Variants in TBC1D2B observed in about 807,000 individuals in gnomAD.
TBC1D2B encodes TBC1 domain family, member 2B.
A neutral mutation model predicts 100.8 loss-of-function variants in TBC1D2B; 64 were observed. The ratio of observed to expected loss-of-function variants is 0.64; its 90% CI spans 0.52 to 0.78. TBC1D2B has a LOEUF of 0.78. Among genes scored for constraint, TBC1D2B ranks in the 30% least tolerant of loss-of-function variants. The pLI is 0.00. For missense variants in TBC1D2B, 1,052 were observed against 1,218.4 expected (o/e 0.86, Z 2.03); for synonymous variants, 480 against 479.7 (o/e 1.00, Z -0.01).
chr15:78,003,777 C>T (rs935723764), intron 10 of TBC1D2B, among the ~76,000 whole-genome samples: 1 of 152,108 alleles, frequency 6.6e-6, no homozygotes, highest in East Asian at 1.9e-4. Flanking sequence ...CTCAAAATGC[C>T]CTGGGAAATA....
chr15:78,020,263 CTG>C (rs912589988), intron 6 of TBC1D2B, among the ~76,000 whole-genome samples: 1 of 152,188 alleles, frequency 6.6e-6, no homozygotes, highest in African/African-American at 2.4e-5. Flanking sequence ...TGGAGGGCAA[CTG>C]AAGAAAGCAC....
chr15:77,996,617 AGTGG>A lies in TBC1D2B; in HGVS notation c.*1539_*1542del. 1 of 152,264 alleles carries A rather than the reference AGTGG, an allele frequency of 6.6e-6. No individual in the cohort carries two copies. Among genetic ancestry groups the A allele is most frequent in the Non-Finnish European group, 1.5e-5 (1 of 68,052 alleles). 9.4% of individuals were successfully genotyped at this position (152,264 alleles called of 1,614,324 possible). On this transcript the variant is annotated 3_prime_UTR_variant, in exon 13 of 13. Transcript: ENST00000300584. ...AGCTCCGTCTACCCAGTGAAACATT[AGTGG>A]AGTTGGTTAAAGACACGAAGCCGGA... is the stretch of plus-strand genomic sequence containing the variant.
chr15:78,040,888 G>GAAAGAAAGAAAGAAAGAAAGAAAGAAAA (rs1567026304), intron 3 of TBC1D2B, among the ~76,000 whole-genome samples: 2 of 122,396 alleles, frequency 1.6e-5, no homozygotes, highest in African/African-American at 6.4e-5. Context: ...GAAAGAGAGA[G>GAAAGAAAGAAAGAAAGAAAGAAAGAAAA]AGAGAGAAAG....
intron 2 of TBC1D2B, among the ~76,000 whole-genome samples, chr15:78,051,014 C>G (rs1402215443): frequency 6.6e-6 from 1 of 152,160 alleles, no homozygotes; most frequent in Non-Finnish European, 1.5e-5. Context: ...AAGCATTCTC[C>G]TTTTGATGTA....
intron 3 of TBC1D2B, among the ~76,000 whole-genome samples, chr15:78,040,847 A>AAAGG (rs1344382931): frequency 1.2e-3 from 166 of 135,316 alleles, no homozygotes; most frequent in African/African-American, 2.9e-3. Context: ...AAAAAGAAAG[A>AAAGG]AAGAAAGGAA....
intron 2 of TBC1D2B, among the ~76,000 whole-genome samples, chr15:78,046,260 T>C (rs2073193194): frequency 6.6e-6 from 1 of 152,224 alleles, no homozygotes; most frequent in African/African-American, 2.4e-5. Flanking sequence ...TACAAATACT[T>C]TGTATTCTTC....
chr15:78,037,389 C>T (rs927083121), intron 3 of TBC1D2B, among the ~76,000 whole-genome samples: 3 of 152,340 alleles, frequency 2.0e-5, no homozygotes, highest in South Asian at 2.1e-4. Context: ...GCAAAACCAT[C>T]ACCGGCCTCT....
chr15:78,047,004 C>A (rs1437332956), intron 2 of TBC1D2B, among the ~76,000 whole-genome samples: 3 of 152,180 alleles, frequency 2.0e-5, no homozygotes, highest in African/African-American at 4.8e-5. Context: ...GGGGAAGTAT[C>A]TTGGGCATGG....
intron 1 of TBC1D2B, among the ~76,000 whole-genome samples, chr15:78,072,882 T>C (rs994719309): frequency 1.3e-5 from 2 of 152,140 alleles, no homozygotes; most frequent in Admixed American, 1.3e-4. Context: ...TGCTAGACCC[T>C]TGCAGCAGTT....
At chr15:78,053,921 A>C in intron 2 of TBC1D2B, 113 bp downstream of exon 2, 2 of 1,159,904 alleles carry the variant, frequency 1.7e-6, no homozygotes, top group Non-Finnish European at 2.4e-6. Flanking sequence ...CTCATAAGGT[A>C]GCATCATTAT....
intron 3 of TBC1D2B, among the ~76,000 whole-genome samples, chr15:78,033,037 A>G (rs1407175317): frequency 6.6e-6 from 1 of 152,264 alleles, no homozygotes; most frequent in Non-Finnish European, 1.5e-5. Context: ...AATCATGAAG[A>G]AAACTGTATC....
chr15:78,008,898 C>T, intron 10 of TBC1D2B, 99 bp downstream of exon 10: 1 of 804,520 alleles, frequency 1.2e-6, no homozygotes, highest in Non-Finnish European at 2.0e-6. Flanking sequence ...AAGTCACATA[C>T]ACAAAGCAAC....
At chr15:78,075,039 C>T (rs2141853345) in intron 1 of TBC1D2B, among the ~76,000 whole-genome samples, 1 of 152,176 alleles carries the variant, frequency 6.6e-6, no homozygotes, top group South Asian at 2.1e-4. Context: ...GGTATGATTC[C>T]CACTAGACCA....
intron 12 of TBC1D2B, chr15:77,999,465 T>C (rs1231954354): frequency 1.3e-5 from 4 of 314,182 alleles, no homozygotes; most frequent in East Asian, 8.9e-5. Context: ...AATTCCCCAG[T>C]GTGTGTTCTG....
At chr15:78,043,463 G>A (rs566596050) in intron 3 of TBC1D2B, among the ~76,000 whole-genome samples, 6 of 151,912 alleles carry the variant, frequency 3.9e-5, no homozygotes, top group South Asian at 2.1e-4. Context: ...GCAGTGATGC[G>A]AACTCAGCTC....
At chr15:78,007,881 AC>A in intron 10 of TBC1D2B, among the ~76,000 whole-genome samples, 1 of 151,874 alleles carries the variant, frequency 6.6e-6, no homozygotes, top group East Asian at 1.9e-4. Flanking sequence ...GAGAGGGAAA[AC>A]CCCTTCAGTC....
At chr15:78,037,512 C>T (rs913888674) in intron 3 of TBC1D2B, among the ~76,000 whole-genome samples, 6 of 152,184 alleles carry the variant, frequency 3.9e-5, no homozygotes, top group Non-Finnish European at 7.3e-5. Flanking sequence ...GCAGGACTCA[C>T]GGGCTCGCCT....
chr15:78,050,267 T>A (rs893828881), intron 2 of TBC1D2B, among the ~76,000 whole-genome samples: 1 of 152,192 alleles, frequency 6.6e-6, no homozygotes, highest in African/African-American at 2.4e-5. Flanking sequence ...TGCAGCTGCT[T>A]CAGGGGAGGA....
chr15:78,005,335 A>C (rs1434109545), intron 10 of TBC1D2B, among the ~76,000 whole-genome samples: 1 of 152,238 alleles, frequency 6.6e-6, no homozygotes, highest in African/African-American at 2.4e-5. Context: ...ATGCACTCAA[A>C]GCATGGAATG....
Sources: allele counts gnomAD v4.1 joint callset (sites outside exome capture counted in the v4.1 genomes callset), GRCh38; gene constraint gnomAD v4.1.1; transcripts MANE v1.5; gene names NCBI Gene and HGNC (gene_info 2026-07-23, HGNC 2026-07-21).